The following C4orf51 variants were observed in gnomAD, a reference collection of about 807,000 sequenced individuals.
C4orf51 encodes uncharacterized protein C4orf51.
In C4orf51, 25 loss-of-function variants were observed where a neutral mutation model predicts 25.2. The observed-to-expected ratio is 0.99, with a 90% CI of 0.72 to 1.39. The LOEUF (loss-of-function observed/expected upper bound fraction) is 1.39, where lower values mean the gene tolerates loss of function less well. Among genes scored for constraint, C4orf51 ranks in the 40% most tolerant of loss-of-function variants. The pLI is 0.00. For missense variants in C4orf51, 252 were observed against 239.6 expected (o/e 1.05, Z -0.34); for synonymous variants, 100 against 84.5 (o/e 1.18, Z -1.01).
chr4:145,693,554 T>A (rs1475331073), intron 1 of C4orf51, among the ~76,000 whole-genome samples: 1 of 150,580 alleles, frequency 6.6e-6, no homozygotes, highest in Non-Finnish European at 1.5e-5. Context: ...TGGGTACACC[T>A]CCCAGATGGG....
intron 2 of C4orf51, among the ~76,000 whole-genome samples, chr4:145,713,799 T>G (rs769909956): frequency 2.6e-5 from 4 of 152,210 alleles, no homozygotes; most frequent in Non-Finnish European, 4.4e-5. Context: ...GTTTTTATTT[T>G]TGAGATGGAG....
chr4:145,789,128 C>T, the C4orf51 span, among the ~76,000 whole-genome samples: 4 of 152,278 alleles, frequency 2.6e-5, no homozygotes, highest in East Asian at 1.9e-4. Flanking sequence ...CTTTCAATCA[C>T]GAAGATGAAA....
intron 2 of C4orf51, among the ~76,000 whole-genome samples, chr4:145,717,366 T>C (rs780907167): frequency 1.9e-4 from 29 of 152,250 alleles, no homozygotes; most frequent in Non-Finnish European, 2.5e-4. Flanking sequence ...ATATTGCCTT[T>C]TTCATTCTTT....
intron 4 of C4orf51, among the ~76,000 whole-genome samples, chr4:145,729,439 C>T (rs1263180872): frequency 6.6e-6 from 1 of 151,294 alleles, no homozygotes; most frequent in Non-Finnish European, 1.5e-5. Context: ...GTAGCTGGGA[C>T]TACCGGCGCC....
chr4:145,698,186 G>C (rs1393222558), intron 2 of C4orf51, among the ~76,000 whole-genome samples: 1 of 152,090 alleles, frequency 6.6e-6, no homozygotes, highest in Non-Finnish European at 1.5e-5. Flanking sequence ...CTGCTATTTA[G>C]TTATATGGGT....
the C4orf51 span, chr4:145,776,107 G>A: frequency 4.5e-6 from 4 of 879,816 alleles, no homozygotes; most frequent in Admixed American, 7.8e-5. Context: ...GGAATTGTAA[G>A]TATCTAAAAG....
At chr4:145,717,694 G>T (rs940435282) in intron 2 of C4orf51, among the ~76,000 whole-genome samples, 2 of 152,180 alleles carry the variant, frequency 1.3e-5, no homozygotes, top group Non-Finnish European at 2.9e-5. Context: ...TAGGAGAAAG[G>T]TTCTCAAATT....
At chr4:145,779,712 C>T in the C4orf51 span, among the ~76,000 whole-genome samples, 1 of 152,164 alleles carries the variant, frequency 6.6e-6, no homozygotes, top group Non-Finnish European at 1.5e-5. Context: ...AAGTGGATTC[C>T]GACCCCTGTC....
intron 1 of C4orf51, among the ~76,000 whole-genome samples, chr4:145,689,979 C>A (rs767814515): frequency 6.8e-6 from 1 of 146,266 alleles, no homozygotes; most frequent in Non-Finnish European, 1.5e-5. Context: ...CCTAGGTGGG[C>A]GGATTACCTG....
Position 145,763,036 on chromosome 4 carries a change from A to C in C4orf51, n.167-7952A>C, listed in dbSNP as rs1224657065. On this transcript the variant is annotated intron_variant and non_coding_transcript_variant, in intron 1 of 1. Coordinates refer to the C4orf51 transcript ENST00000510096. The surrounding 1 kb of genome is among the most constrained non-coding windows in gnomAD (Gnocchi z 4.6). Reference sequence around the variant, plus strand: ...AAGAGTGCACACGAGAGAAATATAAAGCCCATTCCCAGGTCAGGTGCACAC... The same window carrying C: ...AAGAGTGCACACGAGAGAAATATAACGCCCATTCCCAGGTCAGGTGCACAC... 6.8e-7 allele frequency: 1 copy of C among 1,481,312 alleles called. No homozygotes were observed. The highest frequency in any genetic ancestry group is 1.4e-5 in the African/African-American group (1 of 71,476). The allele number at this position is 1,481,312 out of a possible 1,614,324, so 91.8% of individuals were successfully genotyped here.
At chr4:145,781,217 AGAAAAAAAAAG>A in the C4orf51 span, among the ~76,000 whole-genome samples, 1 of 119,038 alleles carries the variant, frequency 8.4e-6, no homozygotes, top group African/African-American at 3.5e-5. Flanking sequence ...AAAAAAAAAA[AGAAAAAAAAAG>A]AAAAAAAAAA....
downstream of C4orf51, among the ~76,000 whole-genome samples, chr4:145,754,605 G>A (rs773077674): frequency 2.6e-5 from 4 of 152,180 alleles, no homozygotes; most frequent in Non-Finnish European, 5.9e-5. Context: ...ACGACTGCAG[G>A]CATTCCAAGC....
At chr4:145,789,302 C>A in the C4orf51 span, among the ~76,000 whole-genome samples, 1 of 152,100 alleles carries the variant, frequency 6.6e-6, no homozygotes, top group African/African-American at 2.4e-5. Context: ...AACATGATTC[C>A]AACAGATAAA....
downstream of C4orf51, among the ~76,000 whole-genome samples, chr4:145,737,774 A>G (rs1444285188): frequency 6.6e-6 from 1 of 152,242 alleles, no homozygotes; most frequent in Non-Finnish European, 1.5e-5. Flanking sequence ...CTTCGTAGAT[A>G]ATCCTCTGTA....
At chr4:145,748,386 C>A (rs1733492078) in intron 1 of C4orf51, among the ~76,000 whole-genome samples, 1 of 151,992 alleles carries the variant, frequency 6.6e-6, no homozygotes, top group Non-Finnish European at 1.5e-5. Flanking sequence ...ATTTCAATTT[C>A]ATGTATTTCT....
intron 1 of C4orf51, among the ~76,000 whole-genome samples, chr4:145,748,830 A>G (rs1301931220): frequency 6.6e-6 from 1 of 152,060 alleles, no homozygotes; most frequent in Non-Finnish European, 1.5e-5. Flanking sequence ...GAGGAGAAGA[A>G]TGTGTTTTCT....
At chr4:145,742,270 C>T (rs1337514360) in intron 1 of C4orf51, among the ~76,000 whole-genome samples, 2 of 152,190 alleles carry the variant, frequency 1.3e-5, no homozygotes, top group Non-Finnish European at 2.9e-5. Flanking sequence ...GTGCTTGTCT[C>T]TGGCTTCTCT....
intron 2 of C4orf51, among the ~76,000 whole-genome samples, chr4:145,708,364 G>C (rs980470449): frequency 2.0e-5 from 3 of 152,154 alleles, no homozygotes; most frequent in African/African-American, 4.8e-5. Context: ...TTTAAGGTTT[G>C]GGGAGATCTT....
rs759285251 is a variant in C4orf51 at position 145,729,926 on chromosome 4, G to A, written c.462G>A (p.Leu154=). Reference sequence around the variant, plus strand: ...CTAAAAAGCCAGCACAGGAGGCCCTGATAAACTACAGTCGACGAGGGAAAG... The same window carrying A: ...CTAAAAAGCCAGCACAGGAGGCCCTAATAAACTACAGTCGACGAGGGAAAG... The part of the protein sequence containing the change: ...VRPKKPAQEA[L]INYSRRGKGV... Residue 154 remains leucine, a synonymous_variant, in exon 5 of 6, where the codon CTG becomes CTA. Transcript: ENST00000438731. 1.2e-6 allele frequency: 2 copies of A among 1,613,962 alleles called. No individual in the cohort carries two copies. Among genetic ancestry groups the A allele is most frequent in the South Asian group, 2.2e-5 (2 of 91,072 alleles).
Sources: allele counts gnomAD v4.1 joint callset (sites outside exome capture counted in the v4.1 genomes callset), GRCh38; gene constraint gnomAD v4.1.1; non-coding constraint Gnocchi (gnomAD v3.1); transcripts MANE v1.5; gene names NCBI Gene and HGNC (gene_info 2026-07-23, HGNC 2026-07-21).